The following UMPS variants were observed in gnomAD, a reference collection of about 807,000 sequenced individuals.
UMPS encodes the protein uridine 5'-monophosphate synthase.
UMPS carries 21 observed loss-of-function variants against 38.9 expected under a neutral mutation model. The ratio of observed to expected loss-of-function variants is 0.54; its 90% CI spans 0.38 to 0.78. The LOEUF (loss-of-function observed/expected upper bound fraction) is 0.78. UMPS is among the 30% of genes least tolerant of loss of function. The pLI is 0.00. For synonymous variants in UMPS, 208 were observed against 219.3 expected, an observed-to-expected ratio of 0.95 and a Z score of 0.45; for missense variants, 533 against 591.6, an observed-to-expected ratio of 0.90 and a Z score of 1.03.
intron 1 of UMPS, 145 bp downstream of exon 1, chr3:124,730,772 C>T (rs2150889588): frequency 6.5e-6 from 6 of 918,674 alleles, no homozygotes; most frequent in Non-Finnish European, 9.6e-6. Context: ...GGGGAGTAAG[C>T]ATGAGAAGCA....
chr3:124,742,075 A>G (rs946325660), intron 4 of UMPS, 77 bp from the exon 5 acceptor site: 9 of 1,167,016 alleles, frequency 7.7e-6, no homozygotes, highest in Non-Finnish European at 1.1e-5. Flanking sequence ...AAGTTTTGAA[A>G]AAATAGAGCA....
At position 124,744,524 on chromosome 3, in the gene UMPS, T is replaced by G. The variant is rs1335380181; in HGVS notation, c.*440T>G. 2.2e-6 allele frequency: 1 copy of G among 454,058 alleles called. No individual in the cohort carries two copies. Among genetic ancestry groups the G allele is most frequent in the African/African-American group, 2.0e-5 (1 of 50,112 alleles). The allele number at this position is 454,058 out of a possible 1,614,324, so 28.1% of individuals were successfully genotyped here. Reference sequence around the variant, plus strand: ...CGACCTCCCAGGTGATCCTCCCACCTCAGCTTCCAGATTAGCTGGTGCTAT... The same window carrying G: ...CGACCTCCCAGGTGATCCTCCCACCGCAGCTTCCAGATTAGCTGGTGCTAT... On this transcript the variant is annotated 3_prime_UTR_variant, in exon 6 of 6. Coordinates refer to ENST00000232607, the MANE Select transcript of UMPS (RefSeq NM_000373.4).
chr3:124,747,317 G>C lies in UMPS; in HGVS notation c.*3233G>C, dbSNP rs1262058852. On this transcript the variant is annotated 3_prime_UTR_variant, in exon 6 of 6. Coordinates refer to ENST00000232607, the MANE Select transcript of UMPS (RefSeq NM_000373.4). ...TCTGGGTCATCAGACCTGGCTGTCAGGGGTGCAGCCACAGGAGAGCCAACA... is the reference window on the plus strand; with the variant it reads ...TCTGGGTCATCAGACCTGGCTGTCACGGGTGCAGCCACAGGAGAGCCAACA... 4.4e-6 allele frequency: 2 copies of C among 455,220 alleles called. No homozygotes were observed. Among genetic ancestry groups the C allele is most frequent in the Admixed American group, 2.3e-5 (1 of 42,568 alleles). 28.2% of individuals were successfully genotyped at this position (455,220 alleles called of 1,614,324 possible).
chr3:124,742,083 G>T, intron 4 of UMPS, 69 bp from the exon 5 acceptor site: 1 of 1,118,188 alleles, frequency 8.9e-7, no homozygotes, highest in Non-Finnish European at 1.3e-6. Flanking sequence ...AAAAAATAGA[G>T]CATATTTTTA....
intron 1 of UMPS, among the ~76,000 whole-genome samples, chr3:124,732,858 T>C (rs962818512): frequency 1.4e-4 from 22 of 152,308 alleles, no homozygotes; most frequent in Admixed American, 1.4e-3. Context: ...CTTGCTATGG[T>C]GTATCTTAGC....
At position 124,749,136 on chromosome 3, in the gene UMPS, T is replaced by A. The variant is rs747376511; in HGVS notation, c.*5052T>A. On this transcript the variant is annotated 3_prime_UTR_variant, in exon 6 of 6. Coordinates refer to ENST00000232607, the MANE Select transcript of UMPS (RefSeq NM_000373.4). ...ATTTAACAAGACATGCTGTCCTTGT[T>A]TACCTGGAACCTAGCAATGTTGTTT... 1 of 454,094 alleles carries A rather than the reference T, an allele frequency of 2.2e-6. No homozygotes were observed. Among genetic ancestry groups the A allele is most frequent in the South Asian group, 1.6e-5 (1 of 64,472 alleles). 28.1% of individuals were successfully genotyped at this position (454,094 alleles called of 1,614,324 possible).
rs757544365 is a variant in UMPS at position 124,744,147 on chromosome 3, A to G, written c.*63A>G. 13 of 1,590,970 alleles carry G rather than the reference A, an allele frequency of 8.2e-6. No homozygotes were observed. Among genetic ancestry groups the G allele is most frequent in the South Asian group, 1.1e-5 (1 of 89,740 alleles). On this transcript the variant is annotated 3_prime_UTR_variant, in exon 6 of 6. Coordinates refer to ENST00000232607, the MANE Select transcript of UMPS (RefSeq NM_000373.4). ...ATTGAAGATATGTGGTCCTCCTGAA[A>G]GTCACTGGCTGGAAATAATCCAATT... is the stretch of plus-strand genomic sequence containing the variant.
At chr3:124,743,341 T>A (rs1327348808) in intron 5 of UMPS, among the ~76,000 whole-genome samples, 3 of 133,384 alleles carry the variant, frequency 2.2e-5, no homozygotes, top group Admixed American at 7.1e-5. Context: ...CTCAAAAAAA[T>A]AAATAAATAA....
At chr3:124,742,112 A>G (rs2150900576) in intron 4 of UMPS, 40 bp from the exon 5 acceptor site, 1 of 1,417,102 alleles carries the variant, frequency 7.1e-7, no homozygotes, top group Non-Finnish European at 1.0e-6. Context: ...CTGTGTGATT[A>G]ACTGTTTTCT....
intron 1 of UMPS, among the ~76,000 whole-genome samples, chr3:124,732,967 G>GGGGTGTGTGTGT (rs1553747997): frequency 1.4e-5 from 2 of 147,624 alleles, no homozygotes; most frequent in Admixed American, 1.3e-4. Context: ...ACTAGATCAT[G>GGGGTGTGTGTGT]GTGTGTGTGT....
rs886399817 is a variant in UMPS at position 124,745,066 on chromosome 3, A to C, written c.*982A>C. On this transcript the variant is annotated 3_prime_UTR_variant, in exon 6 of 6. Coordinates refer to ENST00000232607, the MANE Select transcript of UMPS (RefSeq NM_000373.4). ...CACAAGTGACAGCTTCCTGTGACTG[A>C]CTTCACAATTAGGAGGTCTAAGATT... The C allele has an allele frequency of 1.1e-5, 5 of 454,006 alleles. No individual in the cohort carries two copies. The highest frequency in any genetic ancestry group is 1.0e-4 in the African/African-American group (5 of 49,998). The allele number at this position is 454,006 out of a possible 1,614,324, so 28.1% of individuals were successfully genotyped here.
chr3:124,748,276 A>C lies in UMPS; in HGVS notation c.*4192A>C, dbSNP rs967337143. ...TTTTATAATCAATGCTGTTTTATTA[A>C]ATGCGGATTTTATTTTGGATTACAG... On this transcript the variant is annotated 3_prime_UTR_variant, in exon 6 of 6. Coordinates refer to ENST00000232607, the MANE Select transcript of UMPS (RefSeq NM_000373.4). 6.6e-6 allele frequency: 3 copies of C among 453,814 alleles called. No homozygotes were observed. Among genetic ancestry groups the C allele is most frequent in the Non-Finnish European group, 8.8e-6 (2 of 226,762 alleles). 28.1% of individuals were successfully genotyped at this position (453,814 alleles called of 1,614,324 possible). A position where few individuals can be genotyped will look rare whatever the true frequency, so the allele number is the denominator to read the frequency against.
Position 124,748,793 on chromosome 3 carries a change from G to A in UMPS, c.*4709G>A, listed in dbSNP as rs1027594724. 7.5e-6 allele frequency: 3 copies of A among 400,344 alleles called. No individual in the cohort carries two copies. The highest frequency in any genetic ancestry group is 1.5e-5 in the Non-Finnish European group (3 of 201,618). 24.8% of individuals were successfully genotyped at this position (400,344 alleles called of 1,614,324 possible). On this transcript the variant is annotated 3_prime_UTR_variant, in exon 6 of 6. Coordinates refer to ENST00000232607, the MANE Select transcript of UMPS (RefSeq NM_000373.4). ...GCCATGTGTGTCTGGGACAGAGCCT[G>A]AGGTGGCCTGAGCTTCCTGTGGCTC...
At chr3:124,731,046 A>G (rs758256862) in intron 1 of UMPS, among the ~76,000 whole-genome samples, 4 of 152,170 alleles carry the variant, frequency 2.6e-5, no homozygotes, top group Non-Finnish European at 5.9e-5. Context: ...CCTGGGCAAC[A>G]TGACGAGACC....
rs754533816 is a variant in UMPS, at chr3:124,737,853, G to A, written c.596G>A (p.Arg199Lys). The A allele has an allele frequency of 3.7e-6, 6 of 1,614,192 alleles. No individual in the cohort carries two copies. Among genetic ancestry groups the A allele is most frequent in the South Asian group, 1.1e-5 (1 of 91,070 alleles). Reference sequence around the variant, plus strand: ...GCTGAGACAGTTGGGAGAGTGAAGAGGTTTATTCAGGAGAATGTCTTTGTG... The same window carrying A: ...GCTGAGACAGTTGGGAGAGTGAAGAAGTTTATTCAGGAGAATGTCTTTGTG... Reference protein sequence around the residue: ...VDAETVGRVKRFIQENVFVAA... With the variant: ...VDAETVGRVKKFIQENVFVAA... Residue 199 changes from arginine (R) to lysine (K), a missense_variant, in exon 3 of 6, where the codon AGG (arginine) becomes AAG (lysine). Arg to Lys is a conservative substitution (Grantham distance 26, BLOSUM62 2). Coordinates refer to ENST00000232607, the MANE Select transcript of UMPS (RefSeq NM_000373.4).
At chr3:124,737,482 GT>G in intron 2 of UMPS, 85 bp from the exon 3 acceptor site, 1 of 1,349,312 alleles carries the variant, frequency 7.4e-7, no homozygotes, top group Non-Finnish European at 1.1e-6. Flanking sequence ...TAACTGGCAA[GT>G]TTTGTATACA....
chr3:124,733,913 A>G (rs1410742994), intron 1 of UMPS, among the ~76,000 whole-genome samples: 1 of 152,220 alleles, frequency 6.6e-6, no homozygotes, highest in East Asian at 1.9e-4. Context: ...AAGTATAATC[A>G]TATATTACTT....
rs1418915200 is a variant in UMPS at position 124,744,940 on chromosome 3, T to C, written c.*856T>C. 4.4e-6 allele frequency: 2 copies of C among 453,928 alleles called. No individual in the cohort carries two copies. The highest frequency in any genetic ancestry group is 8.8e-6 in the Non-Finnish European group (2 of 226,770). The allele number at this position is 453,928 out of a possible 1,614,324, so 28.1% of individuals were successfully genotyped here. A position where few individuals can be genotyped will look rare whatever the true frequency, so the allele number is the denominator to read the frequency against. On this transcript the variant is annotated 3_prime_UTR_variant, in exon 6 of 6. Coordinates refer to ENST00000232607, the MANE Select transcript of UMPS (RefSeq NM_000373.4). ...AAGGTGGGGAAGGGGAAGGTGACTA[T>C]AGCTCAGCTCCTGAGCTAGTATCTG...
At position 124,733,444 on chromosome 3, in the gene UMPS, A is replaced by G. The variant is rs142634614; in HGVS notation, c.157-1649A>G. 48 of 184,750 alleles carry G rather than the reference A, an allele frequency of 2.6e-4. No homozygotes were observed. The East Asian group carries it at 5.8e-3, about 22-fold the overall frequency. 11.4% of individuals were successfully genotyped at this position (184,750 alleles called of 1,614,324 possible). On this transcript the variant is annotated intron_variant, in intron 1 of 5. Coordinates refer to ENST00000232607, the MANE Select transcript of UMPS (RefSeq NM_000373.4). ...TACATGGGCTTTGGTGAGGGTCATG[A>G]GGCAGCACCCACAGGTTTAAATCAG... is the stretch of plus-strand genomic sequence containing the variant.
Sources: gnomAD v4.1 joint callset for allele counts (sites outside exome capture counted in the v4.1 genomes callset) on GRCh38, gnomAD v4.1.1 for gene constraint, MANE v1.5 for transcripts, NCBI Gene and HGNC (gene_info 2026-07-23, HGNC 2026-07-21) for gene names.